The following SPIDR variants were observed in gnomAD, a reference collection of about 807,000 sequenced individuals.
SPIDR encodes scaffold protein involved in DNA repair, also known as DNA repair-scaffolding protein.
Under a neutral mutation model 104.6 loss-of-function variants are expected in SPIDR, and 93 were observed. The observed-to-expected ratio is 0.89, with a 90% CI of 0.75 to 1.06. The LOEUF (loss-of-function observed/expected upper bound fraction) is 1.06. Ranked by LOEUF, SPIDR falls within the 50% of genes least tolerant of loss-of-function variation. The pLI is 0.00. For synonymous variants in SPIDR, 431 were observed against 416.9 expected (o/e 1.03, Z -0.41); for missense variants, 1,154 against 1,111.2 (o/e 1.04, Z -0.55).
chr8:47,309,510 G>A lies in SPIDR; in HGVS notation c.525+15480G>A, dbSNP rs112248803. On this transcript the variant is annotated intron_variant, in intron 5 of 19. Transcript: ENST00000297423. ...TTATCTTTTCATCATCTCCCTTCTT[G>A]TATAGCTGAACTTTAGCTTAAAAGA... 2.7e-3 allele frequency among the ~76,000 whole-genome samples: 407 copies of A among 152,142 alleles called. 1 individual carries two copies. Among genetic ancestry groups the A allele is most frequent in the African/African-American group, 9.5e-3 (393 of 41,510 alleles).
At chr8:47,439,334 T>C (rs2068946727) in intron 7 of SPIDR, among the ~76,000 whole-genome samples, 1 of 152,230 alleles carries the variant, frequency 6.6e-6, no homozygotes, top group Non-Finnish European at 1.5e-5. Flanking sequence ...TAAACTATTG[T>C]ATTGATTTCT....
At chr8:47,527,103 C>A (rs578173664) in intron 8 of SPIDR, among the ~76,000 whole-genome samples, 1 of 152,246 alleles carries the variant, frequency 6.6e-6, no homozygotes, top group South Asian at 2.1e-4. Context: ...TGTCTAGGAA[C>A]CCTGCTAGGT....
rs566261626 is a variant in SPIDR, at chr8:47,263,728, G to C, written c.33+2737G>C. On this transcript the variant is annotated intron_variant, in intron 1 of 19. Coordinates refer to ENST00000297423, the MANE Select transcript of SPIDR (RefSeq NM_001080394.4). Reference sequence around the variant, plus strand: ...ATGTTCTTGGTTTGGAATAATGCCAGTTCTCCCATTTCTGCTGATTGGAAT... The same window carrying C: ...ATGTTCTTGGTTTGGAATAATGCCACTTCTCCCATTTCTGCTGATTGGAAT... Among the ~76,000 whole-genome samples the C allele has an allele frequency of 5.3e-5, 8 of 152,284 alleles. No homozygotes were observed. In the South Asian group the frequency reaches 1.0e-3, roughly 20 times the overall value.
intron 1 of SPIDR, among the ~76,000 whole-genome samples, chr8:47,265,997 G>A (rs1045742020): frequency 8.0e-5 from 12 of 150,650 alleles, no homozygotes; most frequent in Admixed American, 3.3e-4. Context: ...TGATCTGCCC[G>A]CATCGACATC....
intron 7 of SPIDR, among the ~76,000 whole-genome samples, chr8:47,411,446 C>G (rs1554671466): frequency 6.6e-6 from 1 of 152,314 alleles, no homozygotes; most frequent in Admixed American, 6.5e-5. Flanking sequence ...CTCTTGGCTG[C>G]ATAAATGTCT....
intron 19 of SPIDR, among the ~76,000 whole-genome samples, chr8:47,731,651 A>G (rs1324427442): frequency 1.3e-5 from 2 of 152,222 alleles, no homozygotes; most frequent in Admixed American, 6.5e-5. Context: ...GGGGAACAGC[A>G]TATGTGCTTT....
At chr8:47,395,649 C>A (rs1554657881) in intron 5 of SPIDR, among the ~76,000 whole-genome samples, 1 of 152,052 alleles carries the variant, frequency 6.6e-6, no homozygotes, top group Non-Finnish European at 1.5e-5. Flanking sequence ...ATTTTTCCCT[C>A]CAGAATTAGC....
chr8:47,576,806 A>C (rs1389788035), intron 8 of SPIDR, among the ~76,000 whole-genome samples: 2 of 152,222 alleles, frequency 1.3e-5, no homozygotes, highest in Admixed American at 1.3e-4. Flanking sequence ...AAAATGCTCT[A>C]ATATAAATAT....
chr8:47,285,588 C>A (rs1450401307), intron 3 of SPIDR, among the ~76,000 whole-genome samples: 1 of 152,150 alleles, frequency 6.6e-6, no homozygotes, highest in East Asian at 1.9e-4. Flanking sequence ...AGACCTCTCT[C>A]CTTGGCTTGT....
intron 3 of SPIDR, among the ~76,000 whole-genome samples, chr8:47,290,041 T>TTGTG (rs782547183): frequency 1.3e-5 from 2 of 151,622 alleles, no homozygotes; most frequent in Non-Finnish European, 2.9e-5. Context: ...TATAACCTTT[T>TTGTG]TGTGTGTGTG....
Position 47,595,941 on chromosome 8 carries a change from A to C in SPIDR, c.1228A>C (p.Arg410=). The part of the protein sequence containing the change: ...VYCPDIPLPR[R]SISLAQMFVI... ...CTGTCCGGACATACCCCTTCCAAGA[A>C]GAAGCATCTCTTTGGCCCAGATGTT... Residue 410 remains arginine (R), a synonymous_variant, in exon 9 of 20, where the codon AGA becomes CGA. Coordinates refer to ENST00000297423, the MANE Select transcript of SPIDR (RefSeq NM_001080394.4). 1.2e-6 allele frequency: 2 copies of C among 1,614,202 alleles called. No homozygotes were observed. Among genetic ancestry groups the C allele is most frequent in the Non-Finnish European group, 1.7e-6 (2 of 1,180,026 alleles).
chr8:47,583,461 T>A (rs1206345946), intron 8 of SPIDR, among the ~76,000 whole-genome samples: 1 of 152,240 alleles, frequency 6.6e-6, no homozygotes, highest in Non-Finnish European at 1.5e-5. Context: ...ACATGCTGAA[T>A]GTTCAGTCTC....
At chr8:47,305,799 G>T (rs1193010610) in intron 5 of SPIDR, among the ~76,000 whole-genome samples, 2 of 152,040 alleles carry the variant, frequency 1.3e-5, no homozygotes, top group African/African-American at 4.8e-5. Flanking sequence ...TTTTCCCAAT[G>T]TTTTACATTT....
chr8:47,355,048 C>G lies in SPIDR; in HGVS notation c.526-41328C>G, dbSNP rs1478555071. On this transcript the variant is annotated intron_variant, in intron 5 of 19. Transcript: ENST00000297423. ...TCGGCTCACTGCAACCTCTGCTTCC[C>G]CAGTTCAAGTGATTCTCCTGCCTCA... 2.7e-5 allele frequency among the ~76,000 whole-genome samples: 4 copies of G among 148,722 alleles called. No homozygotes were observed. The East Asian group carries it at 8.1e-4, about 30-fold the overall frequency.
intron 5 of SPIDR, among the ~76,000 whole-genome samples, chr8:47,337,920 A>G (rs782631612): frequency 6.6e-6 from 1 of 152,190 alleles, no homozygotes; most frequent in Non-Finnish European, 1.5e-5. Context: ...TGGATTTTCT[A>G]TTCAGTTCCA....
intron 8 of SPIDR, among the ~76,000 whole-genome samples, chr8:47,564,854 A>G (rs2057575433): frequency 6.6e-6 from 1 of 152,288 alleles, no homozygotes; most frequent in Admixed American, 6.5e-5. Context: ...TCCTTGTTCA[A>G]CTTGAGCTTA....
At chr8:47,324,788 T>C (rs942883215) in intron 5 of SPIDR, among the ~76,000 whole-genome samples, 2 of 152,210 alleles carry the variant, frequency 1.3e-5, no homozygotes, top group African/African-American at 4.8e-5. Context: ...ATTAGTTTGC[T>C]AGTGCTGCGA....
chr8:47,496,942 T>G (rs1001908780), intron 8 of SPIDR, among the ~76,000 whole-genome samples: 1 of 152,096 alleles, frequency 6.6e-6, no homozygotes, highest in African/African-American at 2.4e-5. Flanking sequence ...TGTGCCTTTC[T>G]AGAAGTTTGT....
chr8:47,464,656 TAGTCC>T lies in SPIDR; in HGVS notation c.1097+24115_1097+24119del, dbSNP rs1460943089. Among the ~76,000 whole-genome samples, 282 of 150,330 alleles carry T rather than the reference TAGTCC, an allele frequency of 1.9e-3. 1 individual carries two copies. The highest frequency in any genetic ancestry group is 3.4e-3 in the Middle Eastern group (1 of 292). On this transcript the variant is annotated intron_variant, in intron 8 of 19. Coordinates refer to ENST00000297423, the MANE Select transcript of SPIDR (RefSeq NM_001080394.4). The stretch of plus-strand genomic sequence containing the variant: ...AGGCAAAGAACCCTTTTGTCTTGTC[TAGTCC>T]TGTCCTGTCCTGTCCTGTCCTGTCC...
Sources: gnomAD v4.1 joint callset for allele counts (sites outside exome capture counted in the v4.1 genomes callset) on GRCh38, gnomAD v4.1.1 for gene constraint, MANE v1.5 for transcripts, NCBI Gene and HGNC (gene_info 2026-07-23, HGNC 2026-07-21) for gene names.